MAPRE3: variants seen among roughly 807,000 people sequenced by gnomAD.
The protein encoded by MAPRE3 is microtubule-associated protein RP/EB family member 3.
Under a neutral mutation model 30.5 loss-of-function variants are expected in MAPRE3, and 2 were observed. The observed-to-expected ratio is 0.07, with a 90% confidence interval of 0.03 to 0.21. The LOEUF is 0.21. MAPRE3 is among the 10% of genes least tolerant of loss of function. MAPRE3 has a pLI of 1.00. For missense variants in MAPRE3, 204 were observed against 351.8 expected, an observed-to-expected ratio of 0.58 and a Z score of 3.36; for synonymous variants, 110 against 127.7, an observed-to-expected ratio of 0.86 and a Z score of 0.93.
At chr2:27,004,970 A>T (rs746840818) in intron 1 of MAPRE3, among the ~76,000 whole-genome samples, 3 of 152,200 alleles carry the variant, frequency 2.0e-5, no homozygotes, top group Non-Finnish European at 2.9e-5. Flanking sequence ...CTCCCTCACT[A>T]GTAATCAAAG....
chr2:27,025,473 AG>A, intron 4 of MAPRE3, 109 bp from the exon 5 acceptor site: 1 of 1,127,926 alleles, frequency 8.9e-7, no homozygotes, highest in South Asian at 1.6e-5. Context: ...GGGGGGTGAG[AG>A]TGCCTGCCTG....
chr2:26,979,590 A>T (rs1666076131), intron 1 of MAPRE3, among the ~76,000 whole-genome samples: 1 of 152,170 alleles, frequency 6.6e-6, no homozygotes, highest in Non-Finnish European at 1.5e-5. Flanking sequence ...AATCTCTATT[A>T]AAAAAAGACA....
chr2:26,998,718 G>T (rs114794333), intron 1 of MAPRE3, among the ~76,000 whole-genome samples: 1 of 152,198 alleles, frequency 6.6e-6, no homozygotes, highest in African/African-American at 2.4e-5. Flanking sequence ...TACCCAGAAG[G>T]CTAGGCTAAC....
At position 27,026,325 on chromosome 2, in the gene MAPRE3, CAAG is replaced by C. The variant is rs1490371738; in HGVS notation, c.828_830del (p.Glu276del). On this transcript the variant is annotated inframe_deletion, in exon 7 of 7. Coordinates refer to ENST00000233121, the MANE Select transcript of MAPRE3 (RefSeq NM_012326.4). ...GGACGATGAGATTGAAGAGCATCAA[CAAG>C]AAGACCAGGACGAGTACTGAGGGCG... is the stretch of plus-strand genomic sequence containing the variant. 7 of 1,614,052 alleles carry C rather than the reference CAAG, an allele frequency of 4.3e-6. No homozygotes were observed. The highest frequency in any genetic ancestry group is 3.3e-4 in the Middle Eastern group (2 of 6,058).
At chr2:26,989,178 G>A (rs570002736) in intron 1 of MAPRE3, among the ~76,000 whole-genome samples, 2 of 152,278 alleles carry the variant, frequency 1.3e-5, no homozygotes, top group Non-Finnish European at 2.9e-5. Context: ...GCATTCTGAA[G>A]TTTTTCTTGG....
Position 26,985,861 on chromosome 2 carries a change from G to A in MAPRE3, c.-8+15059G>A, listed in dbSNP as rs1365607843. On this transcript the variant is annotated intron_variant, in intron 1 of 6. Transcript: ENST00000233121. This position sits in a 1 kb window ranked among gnomAD's most constrained non-coding sequence, Gnocchi z 4.2. The stretch of plus-strand genomic sequence containing the variant: ...CAGTGTGGCCACAGAAGCAGAGATT[G>A]GAGTGACCTGAAGCCACCAGAAGCT... Among the ~76,000 whole-genome samples the A allele has an allele frequency of 6.6e-6, 1 of 152,122 alleles. No homozygotes were observed. Among genetic ancestry groups the A allele is most frequent in the Admixed American group, 6.5e-5 (1 of 15,274 alleles).
intron 1 of MAPRE3, among the ~76,000 whole-genome samples, chr2:27,019,666 C>CT (rs1667072079): frequency 6.6e-6 from 1 of 152,228 alleles, no homozygotes; most frequent in Non-Finnish European, 1.5e-5. Flanking sequence ...GGTCTTGAGT[C>CT]TTTAGGCGCT....
chr2:26,983,210 T>C (rs1666150787), intron 1 of MAPRE3, among the ~76,000 whole-genome samples: 4 of 152,234 alleles, frequency 2.6e-5, no homozygotes, highest in African/African-American at 9.6e-5. Context: ...ATCAAATGTG[T>C]AGTGGAGCCT....
At position 26,991,757 on chromosome 2, in the gene MAPRE3, G is replaced by C. The variant is rs545094155; in HGVS notation, c.-8+20955G>C. 3.3e-5 allele frequency among the ~76,000 whole-genome samples: 5 copies of C among 152,274 alleles called. No individual in the cohort carries two copies. In the East Asian group the frequency reaches 9.7e-4, roughly 29 times the overall value. On this transcript the variant is annotated intron_variant, in intron 1 of 6. Coordinates refer to ENST00000233121, the MANE Select transcript of MAPRE3 (RefSeq NM_012326.4). ...GAAGGCCCTGGCAACGTCTAGGCAC[G>C]CATCCTGTCTTGCATTTGTAGATCA...
At chr2:26,988,452 A>G (rs370352782) in intron 1 of MAPRE3, among the ~76,000 whole-genome samples, 10 of 152,238 alleles carry the variant, frequency 6.6e-5, no homozygotes, top group African/African-American at 2.4e-4. Flanking sequence ...TTTTCAGCAA[A>G]TTTTTTTATA....
chr2:27,008,807 G>A (rs1666785409), intron 1 of MAPRE3, among the ~76,000 whole-genome samples: 4 of 152,208 alleles, frequency 2.6e-5, no homozygotes. Flanking sequence ...GACATCCTCA[G>A]TGGGTGAATG....
intron 4 of MAPRE3, 37 bp downstream of exon 4, chr2:27,024,334 C>A: frequency 6.3e-7 from 1 of 1,590,764 alleles, no homozygotes; most frequent in Non-Finnish European, 8.6e-7. Context: ...GCGTGGGGGG[C>A]CGGGCCGGCA....
intron 1 of MAPRE3, chr2:27,009,669 T>A (rs1666805249): frequency 6.6e-6 from 1 of 152,214 alleles, no homozygotes; most frequent in Admixed American, 6.5e-5. Flanking sequence ...GTGGCTTTCG[T>A]CTGCCTTTTT....
At chr2:27,002,120 C>T (rs1666614008) in intron 1 of MAPRE3, 1 of 152,224 alleles carries the variant, frequency 6.6e-6, no homozygotes, top group Admixed American at 6.5e-5. Context: ...TGTTACTGGC[C>T]TCTCTATTGG....
chr2:27,017,581 C>G (rs1339880960), intron 1 of MAPRE3, among the ~76,000 whole-genome samples: 1 of 152,166 alleles, frequency 6.6e-6, no homozygotes, highest in African/African-American at 2.4e-5. Context: ...AAAGCAAGGC[C>G]TTTAGTTGTG....
In MAPRE3 at chr2:27,026,468, C is replaced by T. The variant is rs1466530158; in HGVS notation, c.*120C>T. ...GGTGCTTTGTGTCAGTGCTGCAGCA[C>T]TGGGGAGCCAGGCGAGGGGGGCTTG... On this transcript the variant is annotated 3_prime_UTR_variant, in exon 7 of 7. Coordinates refer to ENST00000233121, the MANE Select transcript of MAPRE3 (RefSeq NM_012326.4). The T allele has an allele frequency of 1.2e-6, 1 of 868,996 alleles. No homozygotes were observed. 53.8% of individuals were successfully genotyped at this position (868,996 alleles called of 1,614,324 possible).
At chr2:27,026,180 C>T in intron 6 of MAPRE3, 100 bp from the exon 7 acceptor site, 9 of 1,381,120 alleles carry the variant, frequency 6.5e-6, no homozygotes, top group Non-Finnish European at 9.1e-6. Context: ...TAGCAGGGCT[C>T]CTGGACTCCT....
At chr2:27,023,690 C>T in intron 3 of MAPRE3, 1 of 586,794 alleles carries the variant, frequency 1.7e-6, no homozygotes, top group Admixed American at 2.7e-5. Context: ...ATTCCTTTCC[C>T]TTCCTCCTCT....
chr2:27,021,231 A>C (rs1172773413), intron 1 of MAPRE3, among the ~76,000 whole-genome samples: 1 of 152,236 alleles, frequency 6.6e-6, no homozygotes, highest in East Asian at 1.9e-4. Flanking sequence ...AAATTCCCTC[A>C]TGAATACCAA....
Sources: gnomAD v4.1 joint callset for allele counts (sites outside exome capture counted in the v4.1 genomes callset) on GRCh38, gnomAD v4.1.1 for gene constraint, Gnocchi (gnomAD v3.1) non-coding constraint, MANE v1.5 for transcripts, NCBI Gene and HGNC (gene_info 2026-07-23, HGNC 2026-07-21) for gene names.